Variants in SLC1A1 observed in about 807,000 individuals in gnomAD.
SLC1A1 encodes excitatory amino acid transporter 3.
A neutral mutation model predicts 53.3 loss-of-function variants in SLC1A1; 43 were observed. The observed-to-expected ratio is 0.81, with a 90% CI of 0.63 to 1.04. The LOEUF (loss-of-function observed/expected upper bound fraction) is 1.04, where lower values mean the gene tolerates loss of function less well. Among genes scored for constraint, SLC1A1 ranks in the 50% least tolerant of loss-of-function variants. The probability of loss-of-function intolerance (pLI) is 0.00; values close to 1 mark genes in which losing one functional copy is unlikely to be tolerated. For synonymous variants in SLC1A1, 307 were observed against 243.2 expected (o/e 1.26, Z -2.44); for missense variants, 748 against 664.9 (o/e 1.12, Z -1.37).
intron 2 of SLC1A1, among the ~76,000 whole-genome samples, chr9:4,557,915 T>C (rs983184985): frequency 6.6e-6 from 1 of 152,192 alleles, no homozygotes; most frequent in African/African-American, 2.4e-5. Context: ...TATGATCGTA[T>C]GGTACTTAGC....
chr9:4,553,459 T>G (rs1313727363), intron 2 of SLC1A1: 5 of 144,180 alleles, frequency 3.5e-5, no homozygotes, highest in Non-Finnish European at 7.4e-5. Flanking sequence ...CTCCACCTCC[T>G]GGGTTCAAGC....
chr9:4,510,892 C>A (rs531137097), intron 1 of SLC1A1, among the ~76,000 whole-genome samples: 1 of 152,342 alleles, frequency 6.6e-6, no homozygotes, highest in South Asian at 2.1e-4. Flanking sequence ...AGGGCTTCAG[C>A]TCCACCGTAA....
chr9:4,581,947 T>A (rs183073368), intron 10 of SLC1A1, among the ~76,000 whole-genome samples: 1 of 152,306 alleles, frequency 6.6e-6, no homozygotes, highest in African/African-American at 2.4e-5. Context: ...CCCCAAAGAA[T>A]ATGAATGTGT....
At chr9:4,526,977 A>C (rs1816284963) in intron 1 of SLC1A1, among the ~76,000 whole-genome samples, 1 of 152,166 alleles carries the variant, frequency 6.6e-6, no homozygotes. Flanking sequence ...TAATCAGTTG[A>C]TTTTGAGTTA....
intron 1 of SLC1A1, among the ~76,000 whole-genome samples, chr9:4,506,895 A>G (rs1476792190): frequency 6.6e-6 from 1 of 152,212 alleles, no homozygotes; most frequent in East Asian, 1.9e-4. Context: ...CCATGAGGGC[A>G]GTACTAAGGG....
intron 10 of SLC1A1, among the ~76,000 whole-genome samples, chr9:4,578,240 G>C (rs1481010992): frequency 6.6e-6 from 1 of 152,106 alleles, no homozygotes; most frequent in Non-Finnish European, 1.5e-5. Flanking sequence ...TTGGAATCGC[G>C]GCTACATCAT....
At chr9:4,552,137 T>C (rs1347939156) in intron 2 of SLC1A1, among the ~76,000 whole-genome samples, 1 of 152,224 alleles carries the variant, frequency 6.6e-6, no homozygotes, top group Non-Finnish European at 1.5e-5. Flanking sequence ...AAAAAGGGAT[T>C]CTAAGGACCT....
chr9:4,532,608 G>T (rs1219068405), intron 1 of SLC1A1, among the ~76,000 whole-genome samples: 1 of 152,122 alleles, frequency 6.6e-6, no homozygotes, highest in African/African-American at 2.4e-5. Flanking sequence ...GAAAGTGATG[G>T]GGAGAAAGGA....
intron 2 of SLC1A1, among the ~76,000 whole-genome samples, chr9:4,548,130 T>C (rs1016352083): frequency 2.0e-5 from 3 of 152,126 alleles, no homozygotes; most frequent in African/African-American, 7.2e-5. Context: ...TGGCCTGAGA[T>C]CCTCCAATTT....
At chr9:4,506,964 G>C (rs1298605929) in intron 1 of SLC1A1, among the ~76,000 whole-genome samples, 4 of 152,238 alleles carry the variant, frequency 2.6e-5, no homozygotes, top group Non-Finnish European at 5.9e-5. Context: ...GGCGGCAGTG[G>C]CTCACGCCTG....
At chr9:4,576,914 C>A in intron 10 of SLC1A1, 151 bp downstream of exon 10, 1 of 775,612 alleles carries the variant, frequency 1.3e-6, no homozygotes, top group Admixed American at 2.1e-5. Flanking sequence ...CGACTATATC[C>A]TGGTATGCAA....
At chr9:4,554,309 A>G (rs1169352537) in intron 2 of SLC1A1, 1 of 152,270 alleles carries the variant, frequency 6.6e-6, no homozygotes, top group African/African-American at 2.4e-5. Context: ...TTTACTGAGC[A>G]TCTCCTATGT....
chr9:4,537,034 G>C (rs1412495404), intron 1 of SLC1A1, among the ~76,000 whole-genome samples: 5 of 151,718 alleles, frequency 3.3e-5, no homozygotes, highest in African/African-American at 9.7e-5. Context: ...CACACACCAG[G>C]GCCTGTTGTG....
At position 4,583,560 on chromosome 9, in the gene SLC1A1, G is replaced by A. The variant is rs1821299518; in HGVS notation, c.1328+388G>A. Among the ~76,000 whole-genome samples, 1 of 152,144 alleles carries A rather than the reference G, an allele frequency of 6.6e-6. No homozygotes were observed. The highest frequency in any genetic ancestry group is 2.4e-5 in the African/African-American group (1 of 41,418). Reference sequence around the variant, plus strand: ...GTTCAAAATCAGTCCGTCTTCCTAAGCATCTTCCGAACCATCAGGGACAGT... The same window carrying A: ...GTTCAAAATCAGTCCGTCTTCCTAAACATCTTCCGAACCATCAGGGACAGT... On this transcript the variant is annotated intron_variant, in intron 11 of 11. Transcript: ENST00000262352. The surrounding 1 kb of genome is among the most constrained non-coding windows in gnomAD (Gnocchi z 4.6).
In SLC1A1 at chr9:4,583,425, G is replaced by C. The variant is rs1564070128; in HGVS notation, c.1328+253G>C. ...CTGGTAACACTCAAGCTTAGGAGCT[G>C]GGTGTGGGACAGAGATAAACACAGA... On this transcript the variant is annotated intron_variant, in intron 11 of 11. Coordinates refer to ENST00000262352, the MANE Select transcript of SLC1A1 (RefSeq NM_004170.6). The surrounding 1 kb of genome is among the most constrained non-coding windows in gnomAD (Gnocchi z 4.6). 6.6e-6 allele frequency among the ~76,000 whole-genome samples: 1 copy of C among 152,216 alleles called. No homozygotes were observed. The highest frequency in any genetic ancestry group is 6.5e-5 in the Admixed American group (1 of 15,284).
chr9:4,546,508 C>T (rs916954946), intron 2 of SLC1A1, among the ~76,000 whole-genome samples: 1 of 152,252 alleles, frequency 6.6e-6, no homozygotes, highest in South Asian at 2.1e-4. Flanking sequence ...GAGACAACTA[C>T]TCCATTTAGC....
At position 4,576,223 on chromosome 9, in the gene SLC1A1, T is replaced by G. The variant is rs567553323; in HGVS notation, c.998+100T>G. On this transcript the variant is annotated intron_variant, in intron 9 of 11. Coordinates refer to ENST00000262352, the MANE Select transcript of SLC1A1 (RefSeq NM_004170.6). Reference sequence around the variant, plus strand: ...GACTCCAGCTTGCGGTTTTTGTAGCTGTCTTTGAGAAATGACCTCCGTATT... The same window carrying G: ...GACTCCAGCTTGCGGTTTTTGTAGCGGTCTTTGAGAAATGACCTCCGTATT... 5.0e-6 allele frequency: 6 copies of G among 1,195,190 alleles called. No individual in the cohort carries two copies. The East Asian group carries it at 1.2e-4, about 23-fold the overall frequency. 74.0% of individuals were successfully genotyped at this position (1,195,190 alleles called of 1,614,324 possible).
chr9:4,580,307 G>A (rs975566794), intron 10 of SLC1A1, among the ~76,000 whole-genome samples: 2 of 152,042 alleles, frequency 1.3e-5, no homozygotes, highest in Admixed American at 6.6e-5. Flanking sequence ...ACAGCAGGGC[G>A]CAGAGGCTCA....
intron 11 of SLC1A1, among the ~76,000 whole-genome samples, chr9:4,584,823 C>G (rs188856734): frequency 1.9e-4 from 29 of 152,236 alleles, no homozygotes; most frequent in Admixed American, 1.7e-3. Context: ...GTAGAGTGAC[C>G]TAGATTGGTA....
Sources: gnomAD v4.1 joint callset for allele counts (sites outside exome capture counted in the v4.1 genomes callset) on GRCh38, gnomAD v4.1.1 for gene constraint, Gnocchi (gnomAD v3.1) non-coding constraint, MANE v1.5 for transcripts, NCBI Gene and HGNC (gene_info 2026-07-23, HGNC 2026-07-21) for gene names.